The following GAN variants were observed in gnomAD, a reference collection of about 807,000 sequenced individuals.
The protein encoded by GAN is epididymis secretory sperm binding protein.
A neutral mutation model predicts 71.3 loss-of-function variants in GAN; 48 were observed. The ratio of observed to expected loss-of-function variants is 0.67; its 90% confidence interval spans 0.53 to 0.86. GAN has a LOEUF of 0.86. Ranked by LOEUF, GAN falls within the 40% of genes least tolerant of loss-of-function variation. GAN has a pLI of 0.00. For missense variants in GAN, 928 were observed against 770.1 expected, an observed-to-expected ratio of 1.21 and a Z score of -2.43; for synonymous variants, 386 against 276.8, an observed-to-expected ratio of 1.39 and a Z score of -3.92.
chr16:81,339,696 C>T (rs1214218615), intron 1 of GAN, among the ~76,000 whole-genome samples: 1 of 152,106 alleles, frequency 6.6e-6, no homozygotes, highest in Non-Finnish European at 1.5e-5. Context: ...TTTTTACCTA[C>T]AAAGAGGTAA....
At chr16:81,358,002 G>A (rs2150687705) in intron 5 of GAN, 71 bp downstream of exon 5, 1 of 1,273,484 alleles carries the variant, frequency 7.9e-7, no homozygotes, top group Non-Finnish European at 1.1e-6. Context: ...TTTACAGAAT[G>A]ACTCAGAGCC....
At chr16:81,376,554 TATAC>T (rs1193895990) in intron 9 of GAN, among the ~76,000 whole-genome samples, 45 of 148,290 alleles carry the variant, frequency 3.0e-4, no homozygotes, top group Admixed American at 1.4e-3. Flanking sequence ...TATACACACA[TATAC>T]ATATATATGT....
chr16:81,323,873 G>T (rs1909295806), intron 1 of GAN, among the ~76,000 whole-genome samples: 1 of 152,108 alleles, frequency 6.6e-6, no homozygotes, highest in South Asian at 2.1e-4. Context: ...CCCACAGAGA[G>T]TATCAAAACT....
chr16:81,374,902 A>G (rs1904276339), intron 9 of GAN, among the ~76,000 whole-genome samples: 1 of 152,208 alleles, frequency 6.6e-6, no homozygotes, highest in African/African-American at 2.4e-5. Flanking sequence ...TGGTGCTGGA[A>G]CAGCTAGCTA....
intron 7 of GAN, 102 bp from the exon 8 acceptor site, chr16:81,364,872 C>A: frequency 8.6e-7 from 1 of 1,164,108 alleles, no homozygotes. Context: ...AATCAAACCC[C>A]TTCCTAAATC....
rs143862745 is a variant in GAN at position 81,352,110 on chromosome 16, G to T, written c.282+413G>T. 1.9e-3 allele frequency among the ~76,000 whole-genome samples: 283 copies of T among 152,230 alleles called. 1 individual carries two copies. The highest frequency in any genetic ancestry group is 6.2e-3 in the African/African-American group (258 of 41,542). On this transcript the variant is annotated intron_variant, in intron 2 of 10. Transcript: ENST00000648994. ...CATGGAAATAGGAACTTCCTGGGGC[G>T]TTGTGGATTATTTGGTAGAAATAGA...
intron 1 of GAN, among the ~76,000 whole-genome samples, chr16:81,346,267 G>A (rs913435777): frequency 2.0e-5 from 3 of 152,292 alleles, no homozygotes; most frequent in African/African-American, 7.2e-5. Context: ...AAAAATACAG[G>A]AATAGATATA....
At chr16:81,339,310 A>C (rs1205593289) in intron 1 of GAN, among the ~76,000 whole-genome samples, 1 of 152,184 alleles carries the variant, frequency 6.6e-6, no homozygotes, top group Non-Finnish European at 1.5e-5. Flanking sequence ...ACTGGGCCTT[A>C]ATCCTTTCAG....
At chr16:81,364,119 GAA>G (rs1417200111) in intron 7 of GAN, among the ~76,000 whole-genome samples, 176 bp downstream of exon 7, 1 of 152,184 alleles carries the variant, frequency 6.6e-6, no homozygotes, top group Non-Finnish European at 1.5e-5. Flanking sequence ...ACCAAGATAG[GAA>G]AGTGAGCGTG....
rs777103014 is a variant in GAN at position 81,315,140 on chromosome 16, C to T, written c.27C>T (p.Asp9=). 8 of 1,534,560 alleles carry T rather than the reference C, an allele frequency of 5.2e-6. No individual in the cohort carries two copies. Among genetic ancestry groups the T allele is most frequent in the African/African-American group, 1.4e-5 (1 of 70,138 alleles). Residue 9 remains aspartate, a synonymous_variant, in exon 1 of 11, where the codon GAC becomes GAT. Transcript: ENST00000648994. MAEGSAVS[D]PQHAARLLRA... ...TGGCTGAGGGCAGTGCCGTGTCTGA[C>T]CCTCAGCACGCCGCGCGTCTGCTGC...
At chr16:81,337,958 G>C (rs980427180) in intron 1 of GAN, among the ~76,000 whole-genome samples, 1 of 152,176 alleles carries the variant, frequency 6.6e-6, no homozygotes, top group African/African-American at 2.4e-5. Flanking sequence ...AGGTCTCAGG[G>C]CTGAGTCTCT....
intron 9 of GAN, among the ~76,000 whole-genome samples, chr16:81,367,371 A>G (rs1910894191): frequency 6.6e-6 from 1 of 152,020 alleles, no homozygotes; most frequent in Admixed American, 6.6e-5. Flanking sequence ...AAAAGTACAA[A>G]AAAAAAAATT....
At position 81,376,463 on chromosome 16, in the gene GAN, ATATG is replaced by A. The variant is rs1339101049; in HGVS notation, c.1503-754_1503-751del. 3.9e-3 allele frequency among the ~76,000 whole-genome samples: 348 copies of A among 90,116 alleles called. 1 individual carries two copies. Among genetic ancestry groups the A allele is most frequent in the Non-Finnish European group, 5.5e-3 (228 of 41,124 alleles). The allele number at this position is 90,116 out of a possible 152,430, so 59.1% of individuals were successfully genotyped here. A position where few individuals can be genotyped will look rare whatever the true frequency, so the allele number is the denominator to read the frequency against. On this transcript the variant is annotated intron_variant, in intron 9 of 10. Transcript: ENST00000648994. The stretch of plus-strand genomic sequence containing the variant: ...GGCAATATCCCATCTTTATACATAC[ATATG>A]TGTGTGTGTGTGTGTGTGTGTGTGT...
At position 81,379,030 on chromosome 16, in the gene GAN, C is replaced by T. The variant is rs1280784946; in HGVS notation, c.*1434C>T. 6.6e-6 allele frequency: 1 copy of T among 150,544 alleles called. No homozygotes were observed. The highest frequency in any genetic ancestry group is 1.5e-5 in the Non-Finnish European group (1 of 67,790). 9.3% of individuals were successfully genotyped at this position (150,544 alleles called of 1,614,324 possible). Reference sequence around the variant, plus strand: ...ACAGTACTTCATTTTTAATTGTTTTCTAAAAAAAAGGTTTTTTTTTTCCTT... The same window carrying T: ...ACAGTACTTCATTTTTAATTGTTTTTTAAAAAAAAGGTTTTTTTTTTCCTT... On this transcript the variant is annotated 3_prime_UTR_variant, in exon 11 of 11. Coordinates refer to ENST00000648994, the MANE Select transcript of GAN (RefSeq NM_022041.4).
intron 9 of GAN, among the ~76,000 whole-genome samples, chr16:81,376,551 A>G (rs1021439297): frequency 1.3e-5 from 2 of 148,882 alleles, no homozygotes; most frequent in African/African-American, 5.1e-5. Flanking sequence ...GTATATACAC[A>G]CATATACATA....
At chr16:81,344,721 C>G (rs903122155) in intron 1 of GAN, among the ~76,000 whole-genome samples, 1 of 152,066 alleles carries the variant, frequency 6.6e-6, no homozygotes, top group Non-Finnish European at 1.5e-5. Context: ...GTCTAAAACA[C>G]CAAAAGCAAT....
In GAN at chr16:81,387,377, C is replaced by T. The variant is rs1402606832; in HGVS notation, c.*9781C>T. The T allele has an allele frequency of 6.6e-6, 1 of 152,146 alleles. No individual in the cohort carries two copies. The highest frequency in any genetic ancestry group is 1.5e-5 in the Non-Finnish European group (1 of 68,046). 9.4% of individuals were successfully genotyped at this position (152,146 alleles called of 1,614,324 possible). On this transcript the variant is annotated 3_prime_UTR_variant, in exon 11 of 11. Coordinates refer to ENST00000648994, the MANE Select transcript of GAN (RefSeq NM_022041.4). ...TAGGTGGGTAGCCTTGCTGATGGGG[C>T]ACGTCGTCACCAAGGGACCTGATTG...
At position 81,357,858 on chromosome 16, in the gene GAN, C is replaced by T; in HGVS notation, c.900C>T (p.Asp300=). 1 of 1,613,034 alleles carries T rather than the reference C, an allele frequency of 6.2e-7. No homozygotes were observed. Among genetic ancestry groups the T allele is most frequent in the Non-Finnish European group, 8.5e-7 (1 of 1,179,004 alleles). ...AAMRCMCPLY[D]PNRQLWIELA... The stretch of plus-strand genomic sequence containing the variant: ...TGCGATGCATGTGCCCTCTCTATGA[C>T]CCTAACAGGCAGCTTTGGATCGAAC... Residue 300 remains aspartate (D), a synonymous_variant, in exon 5 of 11, where the codon GAC becomes GAT. Coordinates refer to ENST00000648994, the MANE Select transcript of GAN (RefSeq NM_022041.4).
rs1477703835 is a variant in GAN, at chr16:81,315,076, C to G, written c.-38C>G. 2.8e-6 allele frequency: 4 copies of G among 1,443,640 alleles called. No homozygotes were observed. Among genetic ancestry groups the G allele is most frequent in the Non-Finnish European group, 3.7e-6 (4 of 1,090,400 alleles). The allele number at this position is 1,443,640 out of a possible 1,614,324, so 89.4% of individuals were successfully genotyped here. On this transcript the variant is annotated 5_prime_UTR_variant, in exon 1 of 11. Transcript: ENST00000648994. ...CTCGAGGGGTCCGGCCGGACGGTGTCGGGAGCCGGACCCGTCGGCAGAGGA... is the reference window on the plus strand; with the variant it reads ...CTCGAGGGGTCCGGCCGGACGGTGTGGGGAGCCGGACCCGTCGGCAGAGGA...
Sources: allele counts gnomAD v4.1 joint callset (sites outside exome capture counted in the v4.1 genomes callset), GRCh38; gene constraint gnomAD v4.1.1; transcripts MANE v1.5; gene names NCBI Gene and HGNC (gene_info 2026-07-23, HGNC 2026-07-21).